Variants in ACSM1 observed in about 807,000 individuals in gnomAD.
ACSM1 encodes the protein acyl-coenzyme A synthetase ACSM1, mitochondrial.
Under a neutral mutation model 75.8 loss-of-function variants are expected in ACSM1, and 79 were observed. That is an observed-to-expected ratio of 1.04 (90% CI 0.87 to 1.26). The LOEUF is 1.26. Ranked by LOEUF, ACSM1 falls within the 50% of genes most tolerant of loss-of-function variation. ACSM1 has a pLI of 0.00. For missense variants in ACSM1, 676 were observed against 720.1 expected (o/e 0.94, Z 0.70); for synonymous variants, 279 against 265.8 (o/e 1.05, Z -0.48).
chr16:20,643,977 A>G (rs2018217538), intron 7 of ACSM1, among the ~76,000 whole-genome samples: 1 of 152,048 alleles, frequency 6.6e-6, no homozygotes, highest in African/African-American at 2.4e-5. Context: ...TTTTAGCTAG[A>G]CACAGAGTGC....
At chr16:20,683,202 C>G (rs1172045906) in intron 3 of ACSM1, among the ~76,000 whole-genome samples, 2 of 152,096 alleles carry the variant, frequency 1.3e-5, no homozygotes, top group Non-Finnish European at 2.9e-5. Context: ...ACTGCAACCT[C>G]AGCCTCCTGG....
At chr16:20,660,283 A>G (rs773966999) in intron 7 of ACSM1, among the ~76,000 whole-genome samples, 6 of 152,222 alleles carry the variant, frequency 3.9e-5, no homozygotes, top group Non-Finnish European at 1.5e-5. Flanking sequence ...AATGGAGAAA[A>G]GTGATGGAAG....
Position 20,691,203 on chromosome 16 carries a change from C to G in ACSM1, c.-15G>C. ...AGCCACTGCATGGTGAAACAGTCCT[C>G]AGAAACCAGGCACAGAGTTCTCAAG... On this transcript the variant is annotated 5_prime_UTR_variant, in exon 2 of 14. Transcript: ENST00000520010. The G allele has an allele frequency of 6.5e-7, 1 of 1,549,266 alleles. No homozygotes were observed. The highest frequency in any genetic ancestry group is 8.7e-7 in the Non-Finnish European group (1 of 1,152,434).
intron 6 of ACSM1, among the ~76,000 whole-genome samples, chr16:20,669,482 A>ACC (rs1555472937): frequency 9.1e-5 from 13 of 142,392 alleles, no homozygotes; most frequent in Middle Eastern, 3.5e-3. Context: ...ACACACACAC[A>ACC]CCCCAGCTGC....
chr16:20,639,722 T>C (rs1032238504), intron 8 of ACSM1, among the ~76,000 whole-genome samples: 2 of 152,204 alleles, frequency 1.3e-5, no homozygotes, highest in African/African-American at 4.8e-5. Context: ...GTGCATGCGA[T>C]GGGGCTGTGT....
chr16:20,685,078 G>T, intron 3 of ACSM1, 115 bp downstream of exon 3: 4 of 1,091,008 alleles, frequency 3.7e-6, no homozygotes, highest in Non-Finnish European at 4.1e-6. Context: ...AGAAACTGGG[G>T]CGAAGGCTTC....
intron 12 of ACSM1, 64 bp downstream of exon 12, chr16:20,625,359 T>C (rs2152178900): frequency 1.3e-6 from 2 of 1,515,788 alleles, no homozygotes; most frequent in East Asian, 2.3e-5. Context: ...AGCCTGGATG[T>C]TTCCCCTGCA....
chr16:20,650,574 CTG>C (rs1214900845), intron 7 of ACSM1, among the ~76,000 whole-genome samples: 1 of 151,964 alleles, frequency 6.6e-6, no homozygotes, highest in East Asian at 2.0e-4. Context: ...GGGAAGGACT[CTG>C]TAGTGATACA....
At chr16:20,693,449 A>G (rs1281905514) in intron 1 of ACSM1, among the ~76,000 whole-genome samples, 1 of 152,222 alleles carries the variant, frequency 6.6e-6, no homozygotes, top group African/African-American at 2.4e-5. Context: ...GTAAATGTTG[A>G]CTGAAGAAAG....
chr16:20,664,350 C>A (rs1027219883), intron 6 of ACSM1, among the ~76,000 whole-genome samples: 2 of 151,870 alleles, frequency 1.3e-5, no homozygotes, highest in Admixed American at 1.3e-4. Flanking sequence ...GAGCAGGAGT[C>A]CTTATTCTTA....
chr16:20,639,419 G>A (rs957691053), intron 8 of ACSM1, among the ~76,000 whole-genome samples: 5 of 152,144 alleles, frequency 3.3e-5, no homozygotes, highest in Admixed American at 3.3e-4. Flanking sequence ...GCTTCCTCCT[G>A]CCTCTGCAGC....
In ACSM1 at chr16:20,635,620, CTTTCTTTCTTTCTTTCTTTCTT is replaced by C. The variant is rs2017648182; in HGVS notation, c.1299+1097_1299+1118del. Among the ~76,000 whole-genome samples the C allele has an allele frequency of 2.8e-5, 3 of 105,486 alleles. No individual in the cohort carries two copies. In the South Asian group the frequency reaches 1.0e-3, roughly 35 times the overall value. 69.2% of individuals were successfully genotyped at this position (105,486 alleles called of 152,430 possible). A position where few individuals can be genotyped will look rare whatever the true frequency, so the allele number is the denominator to read the frequency against. On this transcript the variant is annotated intron_variant, in intron 10 of 13. Transcript: ENST00000520010. ...TCTTTCTTTCTTTCTTTCTTTCTTT[CTTTCTTTCTTTCTTTCTTTCTT>C]TCTTTCTTTCATTTTGAGATGGTGT...
intron 2 of ACSM1, among the ~76,000 whole-genome samples, 175 bp downstream of exon 2, chr16:20,690,822 G>A (rs368681800): frequency 5.9e-5 from 9 of 152,192 alleles, no homozygotes; most frequent in African/African-American, 1.7e-4. Context: ...GAGGCTCAAT[G>A]AAGTAAGGAA....
intron 1 of ACSM1, among the ~76,000 whole-genome samples, chr16:20,691,772 T>C (rs1035169423): frequency 2.0e-4 from 29 of 146,064 alleles, no homozygotes; most frequent in Admixed American, 6.2e-4. Context: ...TGTGTGTGTG[T>C]GTGTGTGTGT....
rs2018472299 is a variant in ACSM1 at position 20,648,405 on chromosome 16, A to C, written c.993-7821T>G. Among the ~76,000 whole-genome samples, 1 of 152,108 alleles carries C rather than the reference A, an allele frequency of 6.6e-6. No individual in the cohort carries two copies. Among genetic ancestry groups the C allele is most frequent in the African/African-American group, 2.4e-5 (1 of 41,416 alleles). On this transcript the variant is annotated intron_variant, in intron 7 of 13. Coordinates refer to ENST00000520010, the MANE Select transcript of ACSM1 (RefSeq NM_001318890.3). The surrounding 1 kb of genome is among the most constrained non-coding windows in gnomAD (Gnocchi z 4.2). ...CTGTAGCCTCAGGATGGTAATGTAA[A>C]CCAAAAATGAAATTTTAAGCAGCCC...
At chr16:20,691,265 G>T in intron 1 of ACSM1, 26 bp from the exon 2 acceptor site, 2 of 1,246,718 alleles carry the variant, frequency 1.6e-6, no homozygotes, top group South Asian at 1.7e-5. Flanking sequence ...CTAATAGATT[G>T]GCTGTGTATC....
At chr16:20,676,340 G>A (rs1343618680) in intron 4 of ACSM1, among the ~76,000 whole-genome samples, 1 of 152,156 alleles carries the variant, frequency 6.6e-6, no homozygotes, top group Non-Finnish European at 1.5e-5. Context: ...AAAGAAAAAG[G>A]CAACCAATAT....
chr16:20,627,939 C>G (rs1158669825), intron 10 of ACSM1, among the ~76,000 whole-genome samples: 5 of 128,162 alleles, frequency 3.9e-5, no homozygotes, highest in Admixed American at 3.4e-4. Context: ...TTGTGTGACA[C>G]TACACTAGAA....
intron 12 of ACSM1, among the ~76,000 whole-genome samples, chr16:20,625,121 A>G (rs1347668918): frequency 1.3e-5 from 2 of 152,140 alleles, no homozygotes; most frequent in African/African-American, 4.8e-5. Context: ...TGATGTGGAG[A>G]GGTTACTTAA....
Sources: gnomAD v4.1 joint callset for allele counts (sites outside exome capture counted in the v4.1 genomes callset) on GRCh38, gnomAD v4.1.1 for gene constraint, Gnocchi (gnomAD v3.1) non-coding constraint, MANE v1.5 for transcripts, NCBI Gene and HGNC (gene_info 2026-07-23, HGNC 2026-07-21) for gene names.